PTPRZ1: variants seen among roughly 807,000 people sequenced by gnomAD.
The protein encoded by PTPRZ1 is receptor-type tyrosine-protein phosphatase zeta.
Under a neutral mutation model 214.1 loss-of-function variants are expected in PTPRZ1, and 82 were observed. That is an observed-to-expected ratio of 0.38 (90% CI 0.32 to 0.46). The LOEUF is 0.46. Among genes scored for constraint, PTPRZ1 ranks in the 20% least tolerant of loss-of-function variants. The pLI is 1.00. For missense variants in PTPRZ1, 2,603 were observed against 2,748.7 expected (o/e 0.95, Z 1.19); for synonymous variants, 945 against 987.9 (o/e 0.96, Z 0.81).
At position 121,978,305 on chromosome 7, in the gene PTPRZ1, CCT is replaced by C. The variant is rs756342521; in HGVS notation, c.619+1463_619+1464del. Among the ~76,000 whole-genome samples, 4 of 152,072 alleles carry C rather than the reference CCT, an allele frequency of 2.6e-5. No individual in the cohort carries two copies. The East Asian group carries it at 5.8e-4, about 22-fold the overall frequency. On this transcript the variant is annotated intron_variant, in intron 6 of 29. Transcript: ENST00000393386. ...GAGGACGGATTCTAGTCCTTTACCCCCTCTCTCTCTGTCTCTCTACCTCACTT... is the reference window on the plus strand; with the variant it reads ...GAGGACGGATTCTAGTCCTTTACCCCCTCTCTCTGTCTCTCTACCTCACTT...
At chr7:121,902,781 T>C (rs1040047904) in intron 1 of PTPRZ1, among the ~76,000 whole-genome samples, 1 of 152,172 alleles carries the variant, frequency 6.6e-6, no homozygotes, top group African/African-American at 2.4e-5. Flanking sequence ...TACAATCCAG[T>C]GTCAAGAAGA....
rs764687903 is a variant in PTPRZ1 at position 121,873,484 on chromosome 7, C to A, written c.-16C>A. ...GCAGAGGAGCCGCACGGCGAGGGGC[C>A]GCAGACCGTCTGGAAATGCGAATCC... On this transcript the variant is annotated 5_prime_UTR_variant, in exon 1 of 30. Coordinates refer to ENST00000393386, the MANE Select transcript of PTPRZ1 (RefSeq NM_002851.3). The A allele has an allele frequency of 8.1e-6, 13 of 1,613,510 alleles. No homozygotes were observed. The highest frequency in any genetic ancestry group is 1.1e-5 in the Non-Finnish European group (13 of 1,179,998).
At chr7:121,911,592 C>G (rs1206485) in intron 1 of PTPRZ1, among the ~76,000 whole-genome samples, 3,426 of 152,118 alleles carry the variant, frequency 0.023, 75 homozygotes, top group African/African-American at 0.051. Context: ...GTCTCTGATT[C>G]TTAACTTCTT....
In PTPRZ1 at chr7:122,012,519, G is replaced by C; in HGVS notation, c.3473G>C (p.Ser1158Thr). 6.2e-7 allele frequency: 1 copy of C among 1,614,084 alleles called. No individual in the cohort carries two copies. Among genetic ancestry groups the C allele is most frequent in the Non-Finnish European group, 8.5e-7 (1 of 1,180,012 alleles). ...SEPASSDPAS[S>T]EMLSPSTQLL... is the part of the protein sequence containing the mutation. The stretch of plus-strand genomic sequence containing the variant: ...CCAGCATCCTCTGACCCTGCTTCTA[G>C]TGAAATGTTATCTCCTTCAACTCAG... The change falls in exon 12 of 30, where the codon AGT becomes ACT. Residue 1158 changes from serine (S) to threonine (T), a missense_variant. By Grantham distance (58) the Ser-to-Thr change is moderately conservative. Coordinates refer to ENST00000393386, the MANE Select transcript of PTPRZ1 (RefSeq NM_002851.3).
intron 4 of PTPRZ1, among the ~76,000 whole-genome samples, chr7:121,975,308 C>T (rs918977867): frequency 1.3e-5 from 2 of 152,152 alleles, no homozygotes; most frequent in Non-Finnish European, 1.5e-5. Context: ...ATATTTCTTT[C>T]GATTTCCCAT....
intron 27 of PTPRZ1, among the ~76,000 whole-genome samples, chr7:122,057,631 C>A (rs1266713343): frequency 2.2e-5 from 3 of 135,958 alleles, no homozygotes; most frequent in African/African-American, 8.3e-5. Flanking sequence ...GAATTTTTTA[C>A]TTTCTTTGTG....
At chr7:121,922,013 A>G (rs1320662114) in intron 1 of PTPRZ1, among the ~76,000 whole-genome samples, 2 of 152,218 alleles carry the variant, frequency 1.3e-5, no homozygotes, top group Non-Finnish European at 2.9e-5. Context: ...CAGCAAGCCA[A>G]TCCTTAACAT....
intron 2 of PTPRZ1, among the ~76,000 whole-genome samples, chr7:121,967,728 GT>G (rs1290759482): frequency 6.6e-6 from 1 of 152,076 alleles, no homozygotes; most frequent in Non-Finnish European, 1.5e-5. Flanking sequence ...CTATAGACTT[GT>G]TTTTTTATAG....
intron 1 of PTPRZ1, among the ~76,000 whole-genome samples, chr7:121,924,297 T>G (rs1795688977): frequency 6.6e-6 from 1 of 152,152 alleles, no homozygotes; most frequent in Non-Finnish European, 1.5e-5. Context: ...ATTTCCTGGT[T>G]TTCAAAGTAT....
chr7:121,929,852 A>AAAT (rs1240070748), intron 2 of PTPRZ1, among the ~76,000 whole-genome samples: 2 of 151,408 alleles, frequency 1.3e-5, no homozygotes, highest in Non-Finnish European at 2.9e-5. Flanking sequence ...ATAAATAAAT[A>AAAT]AATAAATAGA....
chr7:122,011,606 G>C lies in PTPRZ1; in HGVS notation c.2560G>C (p.Val854Leu), dbSNP rs1798666578. 2 of 1,613,856 alleles carry C rather than the reference G, an allele frequency of 1.2e-6. No homozygotes were observed. Among genetic ancestry groups the C allele is most frequent in the Non-Finnish European group, 1.7e-6 (2 of 1,179,970 alleles). The change falls in exon 12 of 30, where the codon GTG (valine) becomes CTG (leucine). Residue 854 changes from valine (V) to leucine (L), a missense_variant. Transcript: ENST00000393386. ...QVTSATESDK[V>L]PLHASLPVAG... ...TACTTCAGCTACCGAGAGTGATAAG[G>C]TGCCCTTGCATGCTTCTCTGCCAGT...
chr7:121,925,281 C>G (rs1454187237), intron 1 of PTPRZ1, among the ~76,000 whole-genome samples: 1 of 152,186 alleles, frequency 6.6e-6, no homozygotes, highest in South Asian at 2.1e-4. Flanking sequence ...TAAAGAAACT[C>G]TTAACCCCGG....
At chr7:122,052,283 C>A (rs1031397715) in intron 25 of PTPRZ1, among the ~76,000 whole-genome samples, 2 of 152,184 alleles carry the variant, frequency 1.3e-5, no homozygotes, top group African/African-American at 4.8e-5. Flanking sequence ...GATTCACTGG[C>A]TTCAGCAAAG....
At chr7:121,961,952 G>A (rs1203225915) in intron 2 of PTPRZ1, among the ~76,000 whole-genome samples, 2 of 152,142 alleles carry the variant, frequency 1.3e-5, no homozygotes, top group Non-Finnish European at 2.9e-5. Flanking sequence ...CTCTTTATGT[G>A]TTAATCAGCC....
intron 1 of PTPRZ1, among the ~76,000 whole-genome samples, chr7:121,879,530 C>T (rs535214160): frequency 6.6e-6 from 1 of 152,128 alleles, no homozygotes; most frequent in Non-Finnish European, 1.5e-5. Context: ...ATGGGAAGTG[C>T]AGTTTTATCA....
intron 1 of PTPRZ1, among the ~76,000 whole-genome samples, chr7:121,884,830 A>G (rs990318372): frequency 6.6e-6 from 1 of 152,242 alleles, no homozygotes; most frequent in South Asian, 2.1e-4. Flanking sequence ...GGAAATTCAG[A>G]ACAAGGAAAC....
rs1186009605 is a variant in PTPRZ1, at chr7:122,012,223, C to T, written c.3177C>T (p.Phe1059=). The T allele has an allele frequency of 6.2e-7, 1 of 1,613,888 alleles. No homozygotes were observed. Among genetic ancestry groups the T allele is most frequent in the East Asian group, 2.2e-5 (1 of 44,876 alleles). The change falls in exon 12 of 30, where the codon TTC becomes TTT. Residue 1059 remains phenylalanine, a synonymous_variant. Transcript: ENST00000393386. Reference sequence around the variant, plus strand: ...AGACTGAACTGCAAATTCCTTCTTTCAATGAGATGGTTTACCCTTCTGAAA... The same window carrying T: ...AGACTGAACTGCAAATTCCTTCTTTTAATGAGATGGTTTACCCTTCTGAAA... ...GNETELQIPS[F]NEMVYPSEST...
Position 122,019,150 on chromosome 7 carries a change from C to T in PTPRZ1, c.4870C>T (p.Arg1624Cys). ...GGCCAGTAATAGTAGCCATGAGTCT[C>T]GTATTGGTCTAGCTGAGGGGTTGGA... The part of the protein sequence containing the change: ...AEASNSSHES[R>C]IGLAEGLESE... The change falls in exon 13 of 30, where the codon CGT becomes TGT. Residue 1624 changes from arginine (R) to cysteine (C), a missense_variant. By Grantham distance (180) the Arg-to-Cys change is radical. Coordinates refer to ENST00000393386, the MANE Select transcript of PTPRZ1 (RefSeq NM_002851.3). 1 of 1,612,062 alleles carries T rather than the reference C, an allele frequency of 6.2e-7. No individual in the cohort carries two copies. The highest frequency in any genetic ancestry group is 8.5e-7 in the Non-Finnish European group (1 of 1,178,402).
rs185935403 is a variant in PTPRZ1, at chr7:122,021,236, A to T, written c.4988+1968A>T. Among the ~76,000 whole-genome samples the T allele has an allele frequency of 3.4e-3, 523 of 152,316 alleles. 4 individuals carry two copies. The highest frequency in any genetic ancestry group is 0.012 in the African/African-American group (486 of 41,572). ...TGGAAATCAGTATCTTATTTAATAC[A>T]ATTTGATATTTCATGGAAAATTAAA... On this transcript the variant is annotated intron_variant, in intron 13 of 29. Transcript: ENST00000393386.
Sources: gnomAD v4.1 joint callset for allele counts (sites outside exome capture counted in the v4.1 genomes callset) on GRCh38, gnomAD v4.1.1 for gene constraint, MANE v1.5 for transcripts, NCBI Gene and HGNC (gene_info 2026-07-23, HGNC 2026-07-21) for gene names.